Variants in ZDHHC14 observed in about 807,000 individuals in gnomAD.
ZDHHC14 encodes zDHHC palmitoyltransferase 14.
In ZDHHC14, 16 loss-of-function variants were observed where a neutral mutation model predicts 47.7. The ratio of observed to expected loss-of-function variants is 0.34; its 90% CI spans 0.23 to 0.51. ZDHHC14 has a LOEUF of 0.51. Among genes scored for constraint, ZDHHC14 ranks in the 20% least tolerant of loss-of-function variants. The pLI, the probability that ZDHHC14 is intolerant of heterozygous loss-of-function variation, is 0.97. For missense variants in ZDHHC14, 515 were observed against 662.5 expected (o/e 0.78, Z 2.44); for synonymous variants, 293 against 278.9 (o/e 1.05, Z -0.50).
intron 7 of ZDHHC14, among the ~76,000 whole-genome samples, chr6:157,652,562 C>G (rs1396727093): frequency 6.6e-6 from 1 of 152,214 alleles, no homozygotes; most frequent in African/African-American, 2.4e-5. Context: ...AAAAAGGCAA[C>G]TTTACCCCAC....
intron 1 of ZDHHC14, among the ~76,000 whole-genome samples, chr6:157,536,819 C>CTTTTTT (rs768063106): frequency 2.0e-5 from 2 of 97,998 alleles, no homozygotes; most frequent in Non-Finnish European, 3.8e-5. Context: ...CTCCATCTAT[C>CTTTTTT]TTTTTTTTTT....
At chr6:157,587,600 C>G (rs1208111070) in intron 2 of ZDHHC14, among the ~76,000 whole-genome samples, 1 of 152,212 alleles carries the variant, frequency 6.6e-6, no homozygotes, top group Non-Finnish European at 1.5e-5. Flanking sequence ...AGGTTTGGGC[C>G]TCAGGAAGAG....
At chr6:157,641,820 A>C (rs967644467) in intron 5 of ZDHHC14, among the ~76,000 whole-genome samples, 18 of 152,186 alleles carry the variant, frequency 1.2e-4, no homozygotes, top group African/African-American at 3.9e-4. Context: ...TTGGTGCAGT[A>C]ATTTATCTAT....
chr6:157,426,500 C>T (rs942564816), intron 1 of ZDHHC14, among the ~76,000 whole-genome samples: 5 of 152,144 alleles, frequency 3.3e-5, no homozygotes, highest in Admixed American at 6.5e-5. Flanking sequence ...GGAGCTGACT[C>T]GTTGAGTTTG....
chr6:157,616,505 A>G (rs906433073), intron 3 of ZDHHC14, among the ~76,000 whole-genome samples: 2 of 152,060 alleles, frequency 1.3e-5, no homozygotes, highest in Non-Finnish European at 2.9e-5. Flanking sequence ...CTGGAGCTGG[A>G]CACTACAGAA....
intron 1 of ZDHHC14, among the ~76,000 whole-genome samples, chr6:157,418,053 T>A (rs1166604586): frequency 6.6e-6 from 1 of 151,654 alleles, no homozygotes; most frequent in South Asian, 2.1e-4. Flanking sequence ...GGCACTTTCC[T>A]CCTCTGCACT....
chr6:157,598,132 C>A (rs937770797), intron 3 of ZDHHC14, among the ~76,000 whole-genome samples: 2 of 152,228 alleles, frequency 1.3e-5, no homozygotes, highest in African/African-American at 4.8e-5. Context: ...GTGTTGCATA[C>A]ACTCTGCTGT....
chr6:157,566,781 G>A (rs147754499), intron 2 of ZDHHC14, among the ~76,000 whole-genome samples: 2,087 of 152,060 alleles, frequency 0.014, 45 homozygotes, highest in African/African-American at 0.049. Flanking sequence ...TACCCACATT[G>A]TGTGTGTTTG....
At position 157,421,145 on chromosome 6, in the gene ZDHHC14, T is replaced by C. The variant is rs570889649; in HGVS notation, c.245+38879T>C. ...GTTATTATGACCGCAGAGCCCAGAA[T>C]TGATATCAAGTAGACTTTATACCAA... On this transcript the variant is annotated intron_variant, in intron 1 of 8. Coordinates refer to ENST00000359775, the MANE Select transcript of ZDHHC14 (RefSeq NM_024630.3). Among the ~76,000 whole-genome samples the C allele has an allele frequency of 4.6e-5, 7 of 152,102 alleles. No individual in the cohort carries two copies. In the East Asian group the frequency reaches 7.7e-4, roughly 17 times the overall value.
At chr6:157,524,064 A>C (rs1054281264) in intron 1 of ZDHHC14, among the ~76,000 whole-genome samples, 3 of 152,350 alleles carry the variant, frequency 2.0e-5, no homozygotes, top group South Asian at 4.1e-4. Context: ...TCTTTAGGAA[A>C]TGCTAGGATG....
intron 1 of ZDHHC14, among the ~76,000 whole-genome samples, chr6:157,421,260 G>GT (rs1778094481): frequency 6.6e-6 from 1 of 151,872 alleles, no homozygotes; most frequent in Non-Finnish European, 1.5e-5. Context: ...AGCACTTTGG[G>GT]AGGCCGAGGC....
At chr6:157,383,928 G>T (rs1777263487) in intron 1 of ZDHHC14, among the ~76,000 whole-genome samples, 1 of 152,188 alleles carries the variant, frequency 6.6e-6, no homozygotes, top group Non-Finnish European at 1.5e-5. Flanking sequence ...CTGGAAGAAG[G>T]GGCATAGAGG....
At chr6:157,457,940 T>C (rs530828349) in intron 1 of ZDHHC14, among the ~76,000 whole-genome samples, 4 of 152,306 alleles carry the variant, frequency 2.6e-5, no homozygotes, top group East Asian at 3.9e-4. Context: ...TTTGGACAAA[T>C]TAAAAACCAA....
chr6:157,490,618 C>T (rs1779891824), intron 1 of ZDHHC14, among the ~76,000 whole-genome samples: 1 of 152,172 alleles, frequency 6.6e-6, no homozygotes, highest in African/African-American at 2.4e-5. Context: ...ATTTCTGGCA[C>T]AAGGATGAAG....
chr6:157,601,719 G>A (rs1359950067), intron 3 of ZDHHC14, among the ~76,000 whole-genome samples: 1 of 152,212 alleles, frequency 6.6e-6, no homozygotes, highest in Admixed American at 6.5e-5. Context: ...ATGAGGTCCT[G>A]TGAAGTCCAA....
chr6:157,502,995 TTG>T lies in ZDHHC14; in HGVS notation c.246-39588_246-39587del, dbSNP rs1293987042. Among the ~76,000 whole-genome samples the T allele has an allele frequency of 2.0e-5, 3 of 152,222 alleles. No individual in the cohort carries two copies. The highest frequency in any genetic ancestry group is 4.4e-5 in the Non-Finnish European group (3 of 68,044). On this transcript the variant is annotated intron_variant, in intron 1 of 8. Coordinates refer to ENST00000359775, the MANE Select transcript of ZDHHC14 (RefSeq NM_024630.3). The surrounding 1 kb of genome is among the most constrained non-coding windows in gnomAD (Gnocchi z 4.0). The stretch of plus-strand genomic sequence containing the variant: ...CATGAGCCACCGCACCCGGCTGTGT[TTG>T]TTTTTAAACTACACAACTTGTATCA...
intron 3 of ZDHHC14, among the ~76,000 whole-genome samples, 161 bp downstream of exon 3, chr6:157,593,307 C>A (rs1333568525): frequency 1.3e-5 from 2 of 152,140 alleles, no homozygotes; most frequent in South Asian, 2.1e-4. Flanking sequence ...CACCAAATAT[C>A]TTTTTTATTC....
intron 1 of ZDHHC14, among the ~76,000 whole-genome samples, chr6:157,511,920 G>A (rs539231307): frequency 2.6e-5 from 4 of 152,170 alleles, no homozygotes; most frequent in African/African-American, 7.2e-5. Context: ...TCACACTCAC[G>A]ATGTCTGGGA....
At chr6:157,385,131 C>T (rs1777286238) in intron 1 of ZDHHC14, among the ~76,000 whole-genome samples, 1 of 149,834 alleles carries the variant, frequency 6.7e-6, no homozygotes, top group African/African-American at 2.5e-5. Context: ...CTGTGTTGTC[C>T]AGGCTGGAGT....
Sources: gnomAD v4.1 joint callset for allele counts (sites outside exome capture counted in the v4.1 genomes callset) on GRCh38, gnomAD v4.1.1 for gene constraint, Gnocchi (gnomAD v3.1) non-coding constraint, MANE v1.5 for transcripts, NCBI Gene and HGNC (gene_info 2026-07-23, HGNC 2026-07-21) for gene names.